DIP2C: variants seen among roughly 807,000 people sequenced by gnomAD.
DIP2C encodes the protein DIP2 acetate--CoA ligase C (putative), also known as disco-interacting protein 2 homolog C.
Under a neutral mutation model 192.4 loss-of-function variants are expected in DIP2C, and 33 were observed. The ratio of observed to expected loss-of-function variants is 0.17; its 90% CI spans 0.13 to 0.23. The LOEUF (loss-of-function observed/expected upper bound fraction) is 0.23, where lower values mean the gene tolerates loss of function less well. Ranked by LOEUF, DIP2C falls within the 10% of genes least tolerant of loss-of-function variation. The probability of loss-of-function intolerance (pLI) is 1.00; values close to 1 mark genes in which losing one functional copy is unlikely to be tolerated. For synonymous variants in DIP2C, 979 were observed against 864.1 expected (o/e 1.13, Z -2.33); for missense variants, 1,537 against 2,110.1 (o/e 0.73, Z 5.32).
At chr10:499,213 G>A (rs1174249486) in intron 1 of DIP2C, among the ~76,000 whole-genome samples, 1 of 152,156 alleles carries the variant, frequency 6.6e-6, no homozygotes, top group Non-Finnish European at 1.5e-5. Context: ...ACCCCTCAAT[G>A]GCTACACAGC....
At chr10:477,496 G>A (rs1287691984) in intron 2 of DIP2C, among the ~76,000 whole-genome samples, 8 of 10,396 alleles carry the variant, frequency 7.7e-4, no homozygotes, top group African/African-American at 1.0e-3. Context: ...ATGGGTGGGA[G>A]GTGGGAGGTG....
intron 1 of DIP2C, among the ~76,000 whole-genome samples, chr10:580,183 G>A (rs1163622733): frequency 1.3e-5 from 2 of 152,002 alleles, no homozygotes; most frequent in African/African-American, 4.8e-5. Flanking sequence ...GCCTACACAT[G>A]CGTAGTGTAT....
intron 1 of DIP2C, among the ~76,000 whole-genome samples, chr10:522,420 T>TC (rs1846771871): frequency 6.6e-6 from 1 of 152,242 alleles, no homozygotes; most frequent in Non-Finnish European, 1.5e-5. Context: ...AAACTTCAGC[T>TC]CCTGAGTAAA....
rs1830715453 is a variant in DIP2C, at chr10:672,846, C to T, written c.85+16648G>A. Among the ~76,000 whole-genome samples the T allele has an allele frequency of 2.6e-5, 4 of 152,278 alleles. No individual in the cohort carries two copies. The South Asian group carries it at 6.2e-4, about 24-fold the overall frequency. On this transcript the variant is annotated intron_variant, in intron 1 of 36. Coordinates refer to ENST00000280886, the MANE Select transcript of DIP2C (RefSeq NM_014974.3). ...CCCAGCCTCCTGATTCTAGAAGGTG[C>T]TATACAGAAAAGCTAACTCGGAGGG...
intron 1 of DIP2C, among the ~76,000 whole-genome samples, chr10:606,139 G>C (rs1198974841): frequency 6.6e-6 from 1 of 152,234 alleles, no homozygotes; most frequent in Non-Finnish European, 1.5e-5. Context: ...TCCTCGCGCT[G>C]CTTTCTGGGT....
intron 1 of DIP2C, among the ~76,000 whole-genome samples, chr10:539,911 A>G (rs1847887480): frequency 6.6e-6 from 1 of 152,270 alleles, no homozygotes; most frequent in Non-Finnish European, 1.5e-5. Context: ...TATAAAACAC[A>G]TTACAAACCC....
In DIP2C at chr10:679,726, C is replaced by G. The variant is rs1417256552; in HGVS notation, c.85+9768G>C. Among the ~76,000 whole-genome samples, 246 of 144,172 alleles carry G rather than the reference C, an allele frequency of 1.7e-3. 1 individual carries two copies. Among genetic ancestry groups the G allele is most frequent in the Middle Eastern group, 3.8e-3 (1 of 262 alleles). The allele number at this position is 144,172 out of a possible 152,430, so 94.6% of individuals were successfully genotyped here. On this transcript the variant is annotated intron_variant, in intron 1 of 36. Transcript: ENST00000280886. The stretch of plus-strand genomic sequence containing the variant: ...CCATGCCCATGCTCCCTGCATCCGT[C>G]CTCCCCACGCCCATCTGTGCTCCCC...
chr10:579,144 G>A (rs139578723), intron 1 of DIP2C, among the ~76,000 whole-genome samples: 1 of 151,324 alleles, frequency 6.6e-6, no homozygotes, highest in Admixed American at 6.6e-5. Context: ...TACATGCGTA[G>A]AGCATACACC....
intron 32 of DIP2C, among the ~76,000 whole-genome samples, chr10:298,312 G>A (rs1431518978): frequency 6.6e-6 from 1 of 152,158 alleles, no homozygotes; most frequent in Non-Finnish European, 1.5e-5. Flanking sequence ...ATTGTTCATG[G>A]GTAGACACGG....
At position 673,884 on chromosome 10, in the gene DIP2C, T is replaced by C. The variant is rs531872295; in HGVS notation, c.85+15610A>G. Among the ~76,000 whole-genome samples the C allele has an allele frequency of 1.2e-4, 18 of 152,304 alleles. No homozygotes were observed. The South Asian group carries it at 2.7e-3, about 23-fold the overall frequency. ...GGCATGAAAGGAAACTTTTAAGATA[T>C]TGAGACCATCACTGGAGGATTCCAG... On this transcript the variant is annotated intron_variant, in intron 1 of 36. Transcript: ENST00000280886.
At chr10:366,522 G>T (rs770022907) in intron 18 of DIP2C, 111 bp from the exon 19 acceptor site, 170 of 1,459,726 alleles carry the variant, frequency 1.2e-4, no homozygotes, top group Middle Eastern at 1.7e-4. Context: ...AATGGGGTCT[G>T]GAGCAAAACT....
At chr10:425,349 G>A (rs1966515457) in intron 4 of DIP2C, among the ~76,000 whole-genome samples, 1 of 117,884 alleles carries the variant, frequency 8.5e-6, no homozygotes, top group South Asian at 3.3e-4. Flanking sequence ...AGCATGACCA[G>A]CGGTGACTAA....
At chr10:428,888 T>C (rs1174425687) in intron 4 of DIP2C, among the ~76,000 whole-genome samples, 4 of 152,140 alleles carry the variant, frequency 2.6e-5, no homozygotes, top group Non-Finnish European at 4.4e-5. Flanking sequence ...CTCCAACCTG[T>C]TAAACCCACC....
chr10:602,269 A>G (rs959519893), intron 1 of DIP2C, among the ~76,000 whole-genome samples: 2 of 152,176 alleles, frequency 1.3e-5, no homozygotes, highest in Non-Finnish European at 2.9e-5. Context: ...CGCTTCTTGC[A>G]CCGAACCCCA....
At chr10:589,346 G>A (rs756537996) in intron 1 of DIP2C, among the ~76,000 whole-genome samples, 2 of 152,094 alleles carry the variant, frequency 1.3e-5, no homozygotes, top group Non-Finnish European at 2.9e-5. Context: ...ATGAAGTCTT[G>A]TCTCCTTGTT....
chr10:527,276 G>T (rs1024512105), intron 1 of DIP2C, among the ~76,000 whole-genome samples: 15 of 152,154 alleles, frequency 9.9e-5, no homozygotes, highest in African/African-American at 3.6e-4. Flanking sequence ...GTCATGGCCT[G>T]GCCTCCCGAC....
At chr10:483,567 T>C (rs1215615532) in intron 2 of DIP2C, among the ~76,000 whole-genome samples, 1 of 152,118 alleles carries the variant, frequency 6.6e-6, no homozygotes, top group Admixed American at 6.5e-5. Flanking sequence ...GCCGTCCTTC[T>C]CCTGTTTTCC....
At position 415,844 on chromosome 10, in the gene DIP2C, C is replaced by G. The variant is rs1370349182; in HGVS notation, c.784G>C (p.Val262Leu). 5.6e-6 allele frequency: 9 copies of G among 1,613,790 alleles called. No individual in the cohort carries two copies. The highest frequency in any genetic ancestry group is 6.8e-6 in the Non-Finnish European group (8 of 1,180,000). Residue 262 changes from valine (V) to leucine (L), a missense_variant, in exon 7 of 37, where the codon GTC becomes CTC. Val to Leu is a conservative substitution (Grantham distance 32). Transcript: ENST00000280886. ...CGTTTCGGTCGTTTGAGGGTATTGA[C>G]AAGCTGCTGGATTTTTGCTGACACC... is the stretch of plus-strand genomic sequence containing the variant. ...SRVSAKIQQLVNTLKRPKRPP... is the reference protein window; with the variant it reads ...SRVSAKIQQLLNTLKRPKRPP...
intron 1 of DIP2C, among the ~76,000 whole-genome samples, chr10:541,971 G>A (rs779593340): frequency 2.0e-5 from 3 of 152,156 alleles, no homozygotes; most frequent in Admixed American, 6.5e-5. Flanking sequence ...CCTCTGGGCC[G>A]CGTGCCAGGA....
Sources: gnomAD v4.1 joint callset for allele counts (sites outside exome capture counted in the v4.1 genomes callset) on GRCh38, gnomAD v4.1.1 for gene constraint, MANE v1.5 for transcripts, NCBI Gene and HGNC (gene_info 2026-07-23, HGNC 2026-07-21) for gene names.